The following USP40 variants were observed in gnomAD, a reference collection of about 807,000 sequenced individuals.
USP40 encodes ubiquitin specific peptidase 40, also known as ubiquitin carboxyl-terminal hydrolase 40.
Under a neutral mutation model 166.2 loss-of-function variants are expected in USP40, and 143 were observed. The observed-to-expected ratio is 0.86, with a 90% CI of 0.75 to 0.99. The LOEUF is 0.99. Ranked by LOEUF, USP40 falls within the 50% of genes least tolerant of loss-of-function variation. The pLI, the probability that USP40 is intolerant of heterozygous loss-of-function variation, is 0.00. For synonymous variants in USP40, 498 were observed against 524.0 expected (o/e 0.95, Z 0.68); for missense variants, 1,444 against 1,479.7 (o/e 0.98, Z 0.40).
At chr2:233,485,452 G>A in intron 30 of USP40, 79 bp downstream of exon 30, 1 of 1,098,200 alleles carries the variant, frequency 9.1e-7, no homozygotes, top group Non-Finnish European at 1.3e-6. Context: ...GTGTCTTGAA[G>A]ATTCAATAAA....
At chr2:233,511,898 A>G in intron 19 of USP40, 101 bp from the exon 20 acceptor site, 1 of 981,670 alleles carries the variant, frequency 1.0e-6, no homozygotes, top group Non-Finnish European at 1.5e-6. Flanking sequence ...AAGAATATCA[A>G]GAAAGAAGAA....
chr2:233,557,075 T>TA (rs2071164898), intron 4 of USP40, 56 bp from the exon 5 acceptor site: 6 of 1,470,522 alleles, frequency 4.1e-6, no homozygotes, highest in South Asian at 1.3e-5. Flanking sequence ...TTTAAAACAT[T>TA]AAAAAAACAA....
intron 18 of USP40, chr2:233,512,859 A>G (rs1189125531): frequency 4.1e-6 from 1 of 241,364 alleles, no homozygotes; most frequent in African/African-American, 2.3e-5. Context: ...TGTTTTGTGC[A>G]GTAGTGCAAG....
At chr2:233,494,932 A>ATATATATATATATATATATT (rs2065605113) in intron 24 of USP40, among the ~76,000 whole-genome samples, 3 of 37,824 alleles carry the variant, frequency 7.9e-5, no homozygotes, top group Non-Finnish European at 1.4e-4. Context: ...ATATATATAT[A>ATATATATATATATATATATT]TATATATATA....
At chr2:233,494,974 A>ATT (rs2065651518) in intron 24 of USP40, among the ~76,000 whole-genome samples, 2 of 102,914 alleles carry the variant, frequency 1.9e-5, no homozygotes, top group African/African-American at 9.7e-5. Flanking sequence ...ATATATATAT[A>ATT]TATATACACA....
intron 18 of USP40, chr2:233,519,390 GGAGA>G (rs2067492282): frequency 4.6e-6 from 2 of 432,836 alleles, no homozygotes; most frequent in Non-Finnish European, 8.5e-6. Flanking sequence ...ATCTGGGGAA[GGAGA>G]GAAAGAATAG....
chr2:233,510,104 A>T lies in USP40; in HGVS notation c.2558T>A (p.Val853Asp). The change falls in exon 21 of 32, where the codon GTT (valine) becomes GAT (aspartate). Residue 853 changes from valine (V) to aspartate (D), a missense_variant. By Grantham distance (152) the Val-to-Asp change is radical. Coordinates refer to ENST00000678225, the MANE Select transcript of USP40 (RefSeq NM_001365479.2). Reference protein sequence around the residue: ...LFLFFAMGSDVQPGTEMEIVV... With the variant: ...LFLFFAMGSDDQPGTEMEIVV... ...GATTTCCATTTCTGTCCCAGGTTGAACGTCACTCCCCATTGCAAAAAACAG... is the reference window on the plus strand; with the variant it reads ...GATTTCCATTTCTGTCCCAGGTTGATCGTCACTCCCCATTGCAAAAAACAG... 6 of 1,605,024 alleles carry T rather than the reference A, an allele frequency of 3.7e-6. No individual in the cohort carries two copies. Among genetic ancestry groups the T allele is most frequent in the Non-Finnish European group, 5.1e-6 (6 of 1,175,350 alleles).
intron 6 of USP40, among the ~76,000 whole-genome samples, chr2:233,552,205 G>GT (rs1488874964): frequency 6.9e-6 from 1 of 144,616 alleles, no homozygotes; most frequent in East Asian, 2.1e-4. Flanking sequence ...AATCTAGTGG[G>GT]TAAAAAAAAA....
At position 233,480,286 on chromosome 2, in the gene USP40, GAT is replaced by G. The variant is rs1211861874; in HGVS notation, c.3599+915_3599+916del. Among the ~76,000 whole-genome samples the G allele has an allele frequency of 2.6e-5, 4 of 152,346 alleles. No homozygotes were observed. The highest frequency in any genetic ancestry group is 1.3e-4 in the Admixed American group (2 of 15,300). On this transcript the variant is annotated intron_variant, in intron 31 of 31. Transcript: ENST00000678225. This position sits in a 1 kb window ranked among gnomAD's most constrained non-coding sequence, Gnocchi z 4.5. ...TCCTACAGTCATTTGGGCAGGGAAAGATGAAATCCACCAGGGCAGAAGCAGTC... is the reference window on the plus strand; with the variant it reads ...TCCTACAGTCATTTGGGCAGGGAAAGGAAATCCACCAGGGCAGAAGCAGTC...
chr2:233,501,827 G>T (rs915486149), intron 21 of USP40, among the ~76,000 whole-genome samples: 6 of 152,194 alleles, frequency 3.9e-5, no homozygotes, highest in Non-Finnish European at 5.9e-5. Context: ...TTGGATGATT[G>T]TTAGACAACC....
chr2:233,518,124 T>C (rs951622160), intron 18 of USP40, among the ~76,000 whole-genome samples: 2 of 151,316 alleles, frequency 1.3e-5, no homozygotes, highest in Non-Finnish European at 2.9e-5. Context: ...AAAGCACCAC[T>C]AAAGAATTTA....
intron 28 of USP40, chr2:233,487,794 C>T (rs895435452): frequency 5.6e-6 from 2 of 360,190 alleles, no homozygotes; most frequent in East Asian, 7.4e-5. Context: ...AAACCAAGTA[C>T]TTATATTCTA....
chr2:233,502,336 T>C (rs1008674120), intron 21 of USP40, among the ~76,000 whole-genome samples: 4 of 152,194 alleles, frequency 2.6e-5, no homozygotes, highest in Admixed American at 2.0e-4. Flanking sequence ...AGGTTGAGTA[T>C]CCCTTATTTG....
chr2:233,527,243 G>T (rs75996232), intron 13 of USP40, among the ~76,000 whole-genome samples, 164 bp downstream of exon 13: 1,534 of 152,264 alleles, frequency 0.01, 27 homozygotes, highest in African/African-American at 0.035. Flanking sequence ...CTCTCTAAAA[G>T]ACTTAGGAGA....
chr2:233,521,500 A>C (rs1227324093), intron 16 of USP40, among the ~76,000 whole-genome samples: 3 of 152,210 alleles, frequency 2.0e-5, no homozygotes, highest in African/African-American at 7.2e-5. Flanking sequence ...CTGTAGACTG[A>C]CACTGCACAA....
In USP40 at chr2:233,493,507, G is replaced by A; in HGVS notation, c.2835C>T (p.Pro945=). The change falls in exon 25 of 32, where the codon CCC becomes CCT. Residue 945 remains proline, a synonymous_variant. Coordinates refer to ENST00000678225, the MANE Select transcript of USP40 (RefSeq NM_001365479.2). The surrounding 1 kb of genome is among the most constrained non-coding windows in gnomAD (Gnocchi z 4.7). ...VPIWWYQLQG[P]SGHWESHQDQ... is the part of the protein sequence containing the mutation. ...CCTGATGACTCTCCCAGTGTCCTGA[G>A]GGACCCTGAAGCTGGTACCACCAGA... 2 of 1,613,640 alleles carry A rather than the reference G, an allele frequency of 1.2e-6. No individual in the cohort carries two copies. Among genetic ancestry groups the A allele is most frequent in the Non-Finnish European group, 1.7e-6 (2 of 1,179,778 alleles).
chr2:233,503,152 C>T (rs1052381558), intron 21 of USP40, among the ~76,000 whole-genome samples: 1 of 152,062 alleles, frequency 6.6e-6, no homozygotes, highest in Middle Eastern at 3.2e-3. Context: ...CATTCATAAT[C>T]TGAATCAGAA....
intron 10 of USP40, among the ~76,000 whole-genome samples, chr2:233,538,033 G>A (rs1188757497): frequency 6.6e-6 from 1 of 152,070 alleles, no homozygotes; most frequent in Non-Finnish European, 1.5e-5. Flanking sequence ...ATGGGAAAAT[G>A]AAATTATACT....
At chr2:233,531,106 T>C (rs1160858567) in intron 11 of USP40, among the ~76,000 whole-genome samples, 2 of 152,206 alleles carry the variant, frequency 1.3e-5, no homozygotes, top group African/African-American at 4.8e-5. Flanking sequence ...CCAGTTGTAT[T>C]TATTGAGTAA....
Sources: allele counts gnomAD v4.1 joint callset (sites outside exome capture counted in the v4.1 genomes callset), GRCh38; gene constraint gnomAD v4.1.1; non-coding constraint Gnocchi (gnomAD v3.1); transcripts MANE v1.5; gene names NCBI Gene and HGNC (gene_info 2026-07-23, HGNC 2026-07-21).